The following TMEM266 variants were observed in gnomAD, a reference collection of about 807,000 sequenced individuals.
The protein encoded by TMEM266 is Hv1 related protein 1.
Under a neutral mutation model 50.5 loss-of-function variants are expected in TMEM266, and 33 were observed. That is an observed-to-expected ratio of 0.65 (90% CI 0.50 to 0.87). The LOEUF is 0.87. Ranked by LOEUF, TMEM266 falls within the 40% of genes least tolerant of loss-of-function variation. The pLI is 0.00. For synonymous variants in TMEM266, 310 were observed against 292.3 expected, an observed-to-expected ratio of 1.06 and a Z score of -0.62; for missense variants, 655 against 695.1, an observed-to-expected ratio of 0.94 and a Z score of 0.65.
chr15:76,078,132 C>T (rs574017284), intron 1 of TMEM266, among the ~76,000 whole-genome samples: 3 of 151,976 alleles, frequency 2.0e-5, no homozygotes, highest in Non-Finnish European at 4.4e-5. Context: ...CGAATGTCGC[C>T]GACTCTGTCA....
At chr15:76,152,848 AGT>A in intron 3 of TMEM266, among the ~76,000 whole-genome samples, 1 of 152,192 alleles carries the variant, frequency 6.6e-6, no homozygotes, top group African/African-American at 2.4e-5. Context: ...CTCCCACTAG[AGT>A]GTAACCTGCC....
intron 1 of TMEM266, among the ~76,000 whole-genome samples, chr15:76,091,214 T>C (rs2036842680): frequency 6.6e-6 from 1 of 152,110 alleles, no homozygotes. Flanking sequence ...CTTTCAGACA[T>C]GTAGAGACTC....
intron 8 of TMEM266, chr15:76,176,572 C>G (rs994926357): frequency 1.3e-5 from 2 of 152,350 alleles, no homozygotes; most frequent in African/African-American, 4.8e-5. Context: ...CCGATGGATT[C>G]TGGGGAGAGG....
intron 8 of TMEM266, among the ~76,000 whole-genome samples, chr15:76,183,476 G>A (rs1044657097): frequency 1.3e-5 from 2 of 152,146 alleles, no homozygotes; most frequent in African/African-American, 2.4e-5. Flanking sequence ...AAGTGAGGCT[G>A]GGGAATTGGG....
intron 2 of TMEM266, 115 bp downstream of exon 2, chr15:76,134,416 C>T: frequency 9.3e-7 from 1 of 1,073,208 alleles, no homozygotes; most frequent in East Asian, 2.7e-5. Context: ...AGCAGGAGGC[C>T]ACAGAAAATG....
At chr15:76,184,020 G>A (rs17456573) in intron 8 of TMEM266, among the ~76,000 whole-genome samples, 9,900 of 152,270 alleles carry the variant, frequency 0.065, 434 homozygotes, top group Non-Finnish European at 0.094. Flanking sequence ...GAATGCCAAC[G>A]GCTCTGCGTA....
At chr15:76,190,561 C>T (rs1220220121) in intron 8 of TMEM266, among the ~76,000 whole-genome samples, 2 of 147,220 alleles carry the variant, frequency 1.4e-5, no homozygotes, top group South Asian at 2.2e-4. Flanking sequence ...TGGAGGGAGG[C>T]GGGACAGCTG....
intron 1 of TMEM266, among the ~76,000 whole-genome samples, chr15:76,070,156 T>G (rs542313353): frequency 2.6e-5 from 4 of 152,308 alleles, no homozygotes; most frequent in Non-Finnish European, 5.9e-5. Flanking sequence ...ATCCAGGGCT[T>G]GTCCGGCTGC....
Position 76,133,131 on chromosome 15 carries a change from CATAA to C in TMEM266, c.-96-1022_-96-1019del, listed in dbSNP as rs59597148. On this transcript the variant is annotated intron_variant, in intron 1 of 10. Coordinates refer to ENST00000388942, the MANE Select transcript of TMEM266 (RefSeq NM_152335.3). ...GTGACAGAGTGAGACCCTGTCTAAA[CATAA>C]ATAAATAAATAAATCAGGCCGGGCG... Among the ~76,000 whole-genome samples, 7 of 148,548 alleles carry C rather than the reference CATAA, an allele frequency of 4.7e-5. No homozygotes were observed. In the South Asian group the frequency reaches 6.4e-4, roughly 14 times the overall value.
chr15:76,100,143 T>C (rs1490402692), intron 1 of TMEM266, among the ~76,000 whole-genome samples: 2 of 152,110 alleles, frequency 1.3e-5, no homozygotes, highest in African/African-American at 4.8e-5. Flanking sequence ...TACGACATTC[T>C]AGAGGGCAGG....
At chr15:76,080,484 T>G (rs1198042126) in intron 1 of TMEM266, among the ~76,000 whole-genome samples, 1 of 150,998 alleles carries the variant, frequency 6.6e-6, no homozygotes, top group Non-Finnish European at 1.5e-5. Flanking sequence ...CTCCCGACCT[T>G]GTGATCCGCC....
intron 1 of TMEM266, among the ~76,000 whole-genome samples, chr15:76,090,519 GA>G (rs2036834846): frequency 2.8e-5 from 4 of 144,916 alleles, no homozygotes; most frequent in African/African-American, 1.0e-4. Context: ...AAGAGAAAAA[GA>G]AAAAAGTTGG....
In TMEM266 at chr15:76,164,691, G is replaced by A. The variant is rs531664338; in HGVS notation, c.456+4523G>A. 1.9e-3 allele frequency among the ~76,000 whole-genome samples: 296 copies of A among 152,318 alleles called. 1 individual carries two copies. The highest frequency in any genetic ancestry group is 6.9e-3 in the African/African-American group (285 of 41,572). On this transcript the variant is annotated intron_variant, in intron 5 of 10. Transcript: ENST00000388942. ...ATCTGCTTCTTAAGGAAGTGCCAGG[G>A]GTCAGCCAGCAGTGCCTGGTACCCA...
At chr15:76,083,773 C>T (rs185552260) in intron 1 of TMEM266, among the ~76,000 whole-genome samples, 2 of 152,286 alleles carry the variant, frequency 1.3e-5, no homozygotes, top group African/African-American at 4.8e-5. Context: ...TTTTAATTCA[C>T]CATTCTGTGT....
At chr15:76,109,087 T>A (rs931692383) in intron 1 of TMEM266, 4 of 152,058 alleles carry the variant, frequency 2.6e-5, no homozygotes, top group Non-Finnish European at 5.9e-5. Flanking sequence ...CCTGAGAAGA[T>A]CTTTGTATCA....
Position 76,168,028 on chromosome 15 carries a change from A to G in TMEM266, c.457-1788A>G, listed in dbSNP as rs2038124744. ...TATTCTCATAAATAGGAAGGATTAT[A>G]ACATGTAACCCACCTCTCTGGCAGA... On this transcript the variant is annotated intron_variant, in intron 5 of 10. Transcript: ENST00000388942. The surrounding 1 kb of genome is among the most constrained non-coding windows in gnomAD (Gnocchi z 4.4). Among the ~76,000 whole-genome samples, 1 of 152,208 alleles carries G rather than the reference A, an allele frequency of 6.6e-6. No homozygotes were observed. Among genetic ancestry groups the G allele is most frequent in the South Asian group, 2.1e-4 (1 of 4,828 alleles).
At chr15:76,101,627 G>C (rs539025368) in intron 1 of TMEM266, among the ~76,000 whole-genome samples, 1 of 152,302 alleles carries the variant, frequency 6.6e-6, no homozygotes, top group African/African-American at 2.4e-5. Context: ...TCTTCTAGTA[G>C]GGAAATGCTC....
At chr15:76,154,011 G>A (rs541972207) in intron 3 of TMEM266, among the ~76,000 whole-genome samples, 2 of 152,200 alleles carry the variant, frequency 1.3e-5, no homozygotes, top group South Asian at 2.1e-4. Context: ...CTTCCCATGC[G>A]CTTTTCCCCA....
chr15:76,156,837 C>T, intron 4 of TMEM266, 79 bp downstream of exon 4: 2 of 1,453,680 alleles, frequency 1.4e-6, no homozygotes, highest in Admixed American at 1.8e-5. Flanking sequence ...CAGGGGTCCC[C>T]AACCTGCAGG....
Sources: gnomAD v4.1 joint callset for allele counts (sites outside exome capture counted in the v4.1 genomes callset) on GRCh38, gnomAD v4.1.1 for gene constraint, Gnocchi (gnomAD v3.1) non-coding constraint, MANE v1.5 for transcripts, NCBI Gene and HGNC (gene_info 2026-07-23, HGNC 2026-07-21) for gene names.